Variants in HECW2 observed in about 807,000 individuals in gnomAD.
HECW2 encodes the protein E3 ubiquitin-protein ligase HECW2.
In HECW2, 61 loss-of-function variants were observed where a neutral mutation model predicts 175.2. The ratio of observed to expected loss-of-function variants is 0.35; its 90% confidence interval spans 0.28 to 0.43. The LOEUF is 0.43. HECW2 is among the 20% of genes least tolerant of loss of function. The probability of loss-of-function intolerance (pLI) is 1.00; values close to 1 mark genes in which losing one functional copy is unlikely to be tolerated. For synonymous variants in HECW2, 671 were observed against 731.0 expected (o/e 0.92, Z 1.32); for missense variants, 1,524 against 2,000.5 (o/e 0.76, Z 4.54).
Position 196,201,132 on chromosome 2 carries a change from G to GTTCCTGGA in HECW2, c.*144_*145insTCCAGGAA. 1 of 632,068 alleles carries GTTCCTGGA rather than the reference G, an allele frequency of 1.6e-6. No homozygotes were observed. Among genetic ancestry groups the GTTCCTGGA allele is most frequent in the Non-Finnish European group, 2.9e-6 (1 of 345,118 alleles). 39.2% of individuals were successfully genotyped at this position (632,068 alleles called of 1,614,324 possible). Reference sequence around the variant, plus strand: ...GGACTCATCTCCAGTCCCCAAATGTGACAGAGCACTTGTTCCTGGAAAACA... The same window carrying GTTCCTGGA: ...GGACTCATCTCCAGTCCCCAAATGTGTTCCTGGAACAGAGCACTTGTTCCTGGAAAACA... On this transcript the variant is annotated 3_prime_UTR_variant, in exon 29 of 29. Coordinates refer to ENST00000644978, the MANE Select transcript of HECW2 (RefSeq NM_001348768.2).
At chr2:196,326,400 C>T (rs533139451) in intron 5 of HECW2, among the ~76,000 whole-genome samples, 26 of 151,670 alleles carry the variant, frequency 1.7e-4, no homozygotes, top group African/African-American at 4.1e-4. Context: ...GCAGTAGAGG[C>T]GGAAAGTTTG....
intron 1 of HECW2, among the ~76,000 whole-genome samples, chr2:196,520,231 A>C (rs1047808460): frequency 1.3e-5 from 2 of 151,380 alleles, no homozygotes; most frequent in African/African-American, 4.9e-5. Context: ...ACTCTGTATT[A>C]TATTTGCAAT....
At chr2:196,593,291 G>T (rs1277121375) in intron 1 of HECW2, among the ~76,000 whole-genome samples, 122 of 151,282 alleles carry the variant, frequency 8.1e-4, no homozygotes, top group African/African-American at 2.8e-3. Context: ...GGCGCCGGGG[G>T]TCCTGCGCCT....
At chr2:196,243,018 T>C (rs533807495) in intron 19 of HECW2, among the ~76,000 whole-genome samples, 1 of 152,184 alleles carries the variant, frequency 6.6e-6, no homozygotes, top group African/African-American at 2.4e-5. Flanking sequence ...AGATATGCAC[T>C]ATCACCAAGA....
chr2:196,446,263 T>C (rs1443766542), intron 1 of HECW2, among the ~76,000 whole-genome samples: 1 of 152,224 alleles, frequency 6.6e-6, no homozygotes, highest in East Asian at 1.9e-4. Context: ...CTTTGTTACT[T>C]CTTTCATGGT....
At chr2:196,447,928 G>A (rs997716364) in intron 1 of HECW2, among the ~76,000 whole-genome samples, 9 of 152,042 alleles carry the variant, frequency 5.9e-5, no homozygotes, top group African/African-American at 9.7e-5. Flanking sequence ...GCGTGGTGGC[G>A]CACACCTGTA....
chr2:196,375,718 G>A (rs546890056), intron 2 of HECW2, among the ~76,000 whole-genome samples: 1 of 152,290 alleles, frequency 6.6e-6, no homozygotes, highest in East Asian at 1.9e-4. Flanking sequence ...AAACATGAGA[G>A]GTGGGAAAAC....
chr2:196,537,538 C>A (rs750202177), intron 1 of HECW2, among the ~76,000 whole-genome samples: 2 of 152,010 alleles, frequency 1.3e-5, no homozygotes, highest in South Asian at 4.1e-4. Context: ...TGAACCAGGA[C>A]GGACAACAGG....
chr2:196,459,829 T>C (rs1171139886), intron 1 of HECW2, among the ~76,000 whole-genome samples: 1 of 152,134 alleles, frequency 6.6e-6, no homozygotes, highest in East Asian at 1.9e-4. Context: ...AAGTCAGAGA[T>C]CCGAAAATTC....
intron 2 of HECW2, among the ~76,000 whole-genome samples, chr2:196,391,868 A>G (rs112077013): frequency 2.0e-5 from 3 of 152,246 alleles, no homozygotes; most frequent in African/African-American, 4.8e-5. Context: ...GCAATCTTTC[A>G]TACTCCTTGG....
At chr2:196,285,616 G>T (rs532092155) in intron 14 of HECW2, among the ~76,000 whole-genome samples, 1 of 152,160 alleles carries the variant, frequency 6.6e-6, no homozygotes, top group Non-Finnish European at 1.5e-5. Context: ...TCTCTTCTCA[G>T]CTCCTGGCTC....
rs76659766 is a variant in HECW2 at position 196,270,151 on chromosome 2, G to T, written c.3335+1042C>A. 7.8e-3 allele frequency among the ~76,000 whole-genome samples: 1,191 copies of T among 152,266 alleles called. 15 individuals carry two copies. The highest frequency in any genetic ancestry group is 0.027 in the African/African-American group (1,116 of 41,550). On this transcript the variant is annotated intron_variant, in intron 17 of 28. Transcript: ENST00000644978. ...GACAACTGGACTTGGGGTTAAGAAAGATTTTCAGCAGAAACTCTTCTTTTC... is the reference window on the plus strand; with the variant it reads ...GACAACTGGACTTGGGGTTAAGAAATATTTTCAGCAGAAACTCTTCTTTTC...
intron 3 of HECW2, among the ~76,000 whole-genome samples, chr2:196,342,995 CTATA>C (rs1317711694): frequency 1.3e-5 from 2 of 150,194 alleles, no homozygotes; most frequent in Non-Finnish European, 3.0e-5. Flanking sequence ...ATAAAATATA[CTATA>C]TATATTTTTG....
At chr2:196,563,881 A>C (rs1690091797) in intron 1 of HECW2, among the ~76,000 whole-genome samples, 1 of 152,208 alleles carries the variant, frequency 6.6e-6, no homozygotes. Context: ...CACTGTAATT[A>C]ATTCAGGCAA....
chr2:196,236,023 CTT>C (rs1688241727), intron 21 of HECW2, among the ~76,000 whole-genome samples: 1 of 152,066 alleles, frequency 6.6e-6, no homozygotes, highest in South Asian at 2.1e-4. Context: ...TAAATAAAGA[CTT>C]TGATGGTGAC....
chr2:196,442,367 C>T (rs1696067488), intron 1 of HECW2, among the ~76,000 whole-genome samples: 1 of 152,156 alleles, frequency 6.6e-6, no homozygotes, highest in East Asian at 1.9e-4. Flanking sequence ...AAACAACACT[C>T]ATATGTTGCT....
At chr2:196,408,177 T>C (rs1024542327) in intron 2 of HECW2, among the ~76,000 whole-genome samples, 1 of 152,246 alleles carries the variant, frequency 6.6e-6, no homozygotes, top group African/African-American at 2.4e-5. Flanking sequence ...AAATCTAAGA[T>C]TTATTCAATC....
intron 2 of HECW2, among the ~76,000 whole-genome samples, chr2:196,402,686 C>G (rs778515763): frequency 1.3e-5 from 2 of 151,362 alleles, no homozygotes; most frequent in Non-Finnish European, 2.9e-5. Flanking sequence ...TGTAAGAGAA[C>G]GAACAAAATT....
intron 2 of HECW2, among the ~76,000 whole-genome samples, chr2:196,395,271 C>T (rs6726316): frequency 0.18 from 27,779 of 151,992 alleles, 3,423 homozygotes; most frequent in African/African-American, 0.35. Flanking sequence ...GGAAAACATA[C>T]GGTAAAAGCT....
Sources: gnomAD v4.1 joint callset for allele counts (sites outside exome capture counted in the v4.1 genomes callset) on GRCh38, gnomAD v4.1.1 for gene constraint, MANE v1.5 for transcripts, NCBI Gene and HGNC (gene_info 2026-07-23, HGNC 2026-07-21) for gene names.